ADAMTS16: variants seen among roughly 807,000 people sequenced by gnomAD.
ADAMTS16 encodes the protein A disintegrin and metalloproteinase with thrombospondin motifs 16.
Under a neutral mutation model 145.8 loss-of-function variants are expected in ADAMTS16, and 94 were observed. The ratio of observed to expected loss-of-function variants is 0.64; its 90% CI spans 0.55 to 0.77. The LOEUF (loss-of-function observed/expected upper bound fraction) is 0.77. Among genes scored for constraint, ADAMTS16 ranks in the 30% least tolerant of loss-of-function variants. The pLI, the probability that ADAMTS16 is intolerant of heterozygous loss-of-function variation, is 0.00. For synonymous variants in ADAMTS16, 659 were observed against 604.3 expected (o/e 1.09, Z -1.33); for missense variants, 1,585 against 1,591.5 (o/e 1.00, Z 0.07).
In ADAMTS16 at chr5:5,190,075, C is replaced by T; in HGVS notation, c.1152C>T (p.Ile384=). Residue 384 remains isoleucine, a synonymous_variant, in exon 7 of 23, where the codon ATC becomes ATT. Coordinates refer to ENST00000274181, the MANE Select transcript of ADAMTS16 (RefSeq NM_139056.4). Reference sequence around the variant, plus strand: ...ATGGGACTCGTCATGACCACGCCATCTTACTGACTGGTCTGGATATATGTT... The same window carrying T: ...ATGGGACTCGTCATGACCACGCCATTTTACTGACTGGTCTGGATATATGTT... The part of the protein sequence containing the change: ...GKDGTRHDHA[I]LLTGLDICSW... 1 of 1,612,932 alleles carries T rather than the reference C, an allele frequency of 6.2e-7. No homozygotes were observed.
At chr5:5,227,292 G>A (rs543590538) in intron 11 of ADAMTS16, among the ~76,000 whole-genome samples, 38 of 152,324 alleles carry the variant, frequency 2.5e-4, no homozygotes, top group Non-Finnish European at 4.1e-4. Context: ...CGCCACAGGC[G>A]TAGGGACTGT....
At chr5:5,217,922 C>A (rs999269335) in intron 10 of ADAMTS16, among the ~76,000 whole-genome samples, 7 of 152,168 alleles carry the variant, frequency 4.6e-5, no homozygotes, top group Non-Finnish European at 1.0e-4. Flanking sequence ...GAAACATAAG[C>A]CGCCAGAATT....
At chr5:5,169,715 C>G (rs985955068) in intron 3 of ADAMTS16, among the ~76,000 whole-genome samples, 2 of 152,268 alleles carry the variant, frequency 1.3e-5, no homozygotes, top group South Asian at 4.1e-4. Flanking sequence ...TTCTGTGGCT[C>G]CTTTTTGAGT....
chr5:5,157,863 T>A (rs1734640583), intron 3 of ADAMTS16, among the ~76,000 whole-genome samples: 1 of 152,188 alleles, frequency 6.6e-6, no homozygotes, highest in Non-Finnish European at 1.5e-5. Context: ...ATAAGGCACT[T>A]CAAGTTGTGC....
intron 21 of ADAMTS16, 83 bp downstream of exon 21, chr5:5,306,811 C>T (rs1335153382): frequency 1.1e-5 from 15 of 1,339,896 alleles, no homozygotes; most frequent in East Asian, 5.1e-5. Flanking sequence ...GATGCTTCTG[C>T]GAGGGTGTTT....
At chr5:5,179,090 C>A (rs1393663420) in intron 3 of ADAMTS16, among the ~76,000 whole-genome samples, 2 of 150,786 alleles carry the variant, frequency 1.3e-5, no homozygotes, top group Non-Finnish European at 2.9e-5. Flanking sequence ...AGATCATATA[C>A]TTTAAGTATA....
chr5:5,156,433 A>G (rs746257281), intron 3 of ADAMTS16, among the ~76,000 whole-genome samples: 1 of 152,184 alleles, frequency 6.6e-6, no homozygotes, highest in Non-Finnish European at 1.5e-5. Flanking sequence ...ACAAACACCA[A>G]TTTGGATGGG....
intron 4 of ADAMTS16, 114 bp downstream of exon 4, chr5:5,182,419 C>G (rs1185324925): frequency 7.4e-7 from 1 of 1,356,392 alleles, no homozygotes; most frequent in East Asian, 2.4e-5. Context: ...AATCTATGGA[C>G]TGTCGTTGCT....
intron 18 of ADAMTS16, among the ~76,000 whole-genome samples, chr5:5,283,224 A>G (rs1419831894): frequency 1.3e-5 from 2 of 152,084 alleles, no homozygotes; most frequent in Non-Finnish European, 2.9e-5. Context: ...CTGCATTTTC[A>G]CAATTAAGTG....
chr5:5,287,374 G>A (rs146285170), intron 18 of ADAMTS16, among the ~76,000 whole-genome samples: 26 of 152,254 alleles, frequency 1.7e-4, no homozygotes, highest in African/African-American at 6.0e-4. Flanking sequence ...ATCCTATGTG[G>A]AAATGACAGT....
chr5:5,192,837 T>G (rs1326704556), intron 8 of ADAMTS16, among the ~76,000 whole-genome samples: 1 of 152,206 alleles, frequency 6.6e-6, no homozygotes, highest in African/African-American at 2.4e-5. Flanking sequence ...TATCGTCTGT[T>G]AAATAAAAAA....
At chr5:5,187,646 C>T (rs747952578) in intron 5 of ADAMTS16, 79 bp from the exon 6 acceptor site, 22 of 871,796 alleles carry the variant, frequency 2.5e-5, no homozygotes, top group Admixed American at 1.5e-4. Flanking sequence ...AGAACAAGGG[C>T]GTTGGATTCT....
chr5:5,319,336 C>T lies in ADAMTS16; in HGVS notation c.*198C>T, dbSNP rs1263757427. On this transcript the variant is annotated 3_prime_UTR_variant, in exon 23 of 23. Coordinates refer to ENST00000274181, the MANE Select transcript of ADAMTS16 (RefSeq NM_139056.4). ...GTGCAGACCTGTGTCCCCATGCACA[C>T]AGTGTCTCCTGTCAGGCTGAAATGT... 1 of 561,582 alleles carries T rather than the reference C, an allele frequency of 1.8e-6. No homozygotes were observed. The highest frequency in any genetic ancestry group is 2.0e-5 in the South Asian group (1 of 49,268). 34.8% of individuals were successfully genotyped at this position (561,582 alleles called of 1,614,324 possible).
Position 5,140,447 on chromosome 5 carries a change from A to C in ADAMTS16, c.-21A>C. The C allele has an allele frequency of 6.7e-7, 1 of 1,501,906 alleles. No individual in the cohort carries two copies. The highest frequency in any genetic ancestry group is 2.8e-5 in the East Asian group (1 of 36,164). The allele number at this position is 1,501,906 out of a possible 1,614,324, so 93.0% of individuals were successfully genotyped here. ...GGCCGGGGACCCTCCGGTGGCCCCT[A>C]GCCCCTCGGAGCGCTCCTGGATGAA... On this transcript the variant is annotated 5_prime_UTR_variant, in exon 1 of 23. Coordinates refer to ENST00000274181, the MANE Select transcript of ADAMTS16 (RefSeq NM_139056.4).
At chr5:5,201,772 C>T (rs1735964504) in intron 9 of ADAMTS16, among the ~76,000 whole-genome samples, 1 of 152,092 alleles carries the variant, frequency 6.6e-6, no homozygotes. Context: ...CATGTCTTTG[C>T]AGTCAAAACT....
At chr5:5,169,329 C>T (rs1276012884) in intron 3 of ADAMTS16, among the ~76,000 whole-genome samples, 1 of 152,194 alleles carries the variant, frequency 6.6e-6, no homozygotes, top group Non-Finnish European at 1.5e-5. Context: ...TCACAGAAGG[C>T]CCCTCCAGTT....
At chr5:5,303,185 CG>C in intron 18 of ADAMTS16, 82 bp from the exon 19 acceptor site, 1 of 1,382,226 alleles carries the variant, frequency 7.2e-7, no homozygotes, top group Non-Finnish European at 9.6e-7. Flanking sequence ...GAAATCGCGC[CG>C]CTGCCTCCAC....
At chr5:5,182,010 T>C in intron 3 of ADAMTS16, 34 bp from the exon 4 acceptor site, 2 of 1,573,330 alleles carry the variant, frequency 1.3e-6, no homozygotes, top group Non-Finnish European at 8.6e-7. Flanking sequence ...GAAAGTCTAA[T>C]TGTGTTTTCT....
At chr5:5,141,536 A>G (rs1256954054) in intron 2 of ADAMTS16, among the ~76,000 whole-genome samples, 1 of 152,222 alleles carries the variant, frequency 6.6e-6, no homozygotes, top group Admixed American at 6.5e-5. Flanking sequence ...TTTAACCTGA[A>G]CCCATCCAAT....
Sources: allele counts gnomAD v4.1 joint callset (sites outside exome capture counted in the v4.1 genomes callset), GRCh38; gene constraint gnomAD v4.1.1; transcripts MANE v1.5; gene names NCBI Gene and HGNC (gene_info 2026-07-23, HGNC 2026-07-21).